The following RAB38 variants were observed in gnomAD, a reference collection of about 807,000 sequenced individuals.
The protein encoded by RAB38 is ras-related protein Rab-38.
RAB38 carries 15 observed loss-of-function variants against 18.4 expected under a neutral mutation model. The ratio of observed to expected loss-of-function variants is 0.82; its 90% confidence interval spans 0.55 to 1.26. RAB38 has a LOEUF of 1.26. RAB38 is among the 50% of genes most tolerant of loss of function. The probability of loss-of-function intolerance (pLI) is 0.00; values close to 1 mark genes in which losing one functional copy is unlikely to be tolerated. For synonymous variants in RAB38, 101 were observed against 104.4 expected (o/e 0.97, Z 0.20); for missense variants, 294 against 267.4 (o/e 1.10, Z -0.69).
chr11:87,856,774 T>C, the RAB38 span, among the ~76,000 whole-genome samples: 1 of 152,154 alleles, frequency 6.6e-6, no homozygotes, highest in African/African-American at 2.4e-5. Flanking sequence ...TGTGAACCAG[T>C]ACTTGTAAAT....
intron 2 of RAB38, among the ~76,000 whole-genome samples, chr11:88,148,163 C>A (rs1254282260): frequency 6.6e-6 from 1 of 152,118 alleles, no homozygotes; most frequent in East Asian, 1.9e-4. Flanking sequence ...ACTGGGGTCT[C>A]AAAAGGAAGA....
the RAB38 span, among the ~76,000 whole-genome samples, chr11:87,940,596 C>T: frequency 2.0e-5 from 3 of 151,500 alleles, no homozygotes; most frequent in Admixed American, 6.6e-5. Context: ...GTACATATAT[C>T]TATATCTATA....
chr11:88,153,368 G>A lies in RAB38; in HGVS notation c.203-3413C>T, dbSNP rs7118063. 5.0e-3 allele frequency among the ~76,000 whole-genome samples: 761 copies of A among 152,288 alleles called. 9 individuals carry two copies. The highest frequency in any genetic ancestry group is 0.018 in the African/African-American group (735 of 41,558). On this transcript the variant is annotated intron_variant, in intron 1 of 2. Coordinates refer to ENST00000243662, the MANE Select transcript of RAB38 (RefSeq NM_022337.3). ...ACATCACAGCTAAAATGTATATCTAGCAGTATTTTTACTTCCAGTCATCTT... is the reference window on the plus strand; with the variant it reads ...ACATCACAGCTAAAATGTATATCTAACAGTATTTTTACTTCCAGTCATCTT...
At chr11:88,077,469 A>G in the RAB38 span, among the ~76,000 whole-genome samples, 1 of 152,178 alleles carries the variant, frequency 6.6e-6, no homozygotes, top group African/African-American at 2.4e-5. Flanking sequence ...AGATAAATAG[A>G]ACAGAATGCA....
At chr11:88,064,371 A>G in the RAB38 span, among the ~76,000 whole-genome samples, 1 of 152,210 alleles carries the variant, frequency 6.6e-6, no homozygotes, top group African/African-American at 2.4e-5. Flanking sequence ...GGTTAATGGC[A>G]TGTGGATGGA....
At chr11:87,806,947 C>G in the RAB38 span, among the ~76,000 whole-genome samples, 154 of 152,270 alleles carry the variant, frequency 1.0e-3, no homozygotes, top group African/African-American at 3.6e-3. Flanking sequence ...TGGTACAAGA[C>G]TATAGCCTGT....
At chr11:88,037,290 C>G in the RAB38 span, among the ~76,000 whole-genome samples, 1 of 151,958 alleles carries the variant, frequency 6.6e-6, no homozygotes. Context: ...GTTATTTCCC[C>G]TCTGCAGCAT....
the RAB38 span, among the ~76,000 whole-genome samples, chr11:87,921,092 A>G: frequency 6.6e-6 from 1 of 152,022 alleles, no homozygotes; most frequent in African/African-American, 2.4e-5. Flanking sequence ...CCACTCTGAC[A>G]ATAGGGAACC....
chr11:88,094,626 CT>C, the RAB38 span, among the ~76,000 whole-genome samples: 12 of 151,858 alleles, frequency 7.9e-5, no homozygotes, highest in Non-Finnish European at 1.6e-4. Flanking sequence ...TCCCTTACCC[CT>C]CTTTCCCTCT....
the RAB38 span, among the ~76,000 whole-genome samples, chr11:87,893,279 C>T: frequency 9.8e-6 from 1 of 101,758 alleles, no homozygotes; most frequent in African/African-American, 3.7e-5. Flanking sequence ...TCCTTTTTTT[C>T]CAGATTTTGT....
chr11:87,871,565 T>A, the RAB38 span, among the ~76,000 whole-genome samples: 11 of 151,544 alleles, frequency 7.3e-5, no homozygotes, highest in Admixed American at 1.3e-4. Flanking sequence ...AGTATAATTT[T>A]ATAAAAATAT....
At chr11:88,148,448 A>G (rs1450878238) in intron 2 of RAB38, among the ~76,000 whole-genome samples, 1 of 152,168 alleles carries the variant, frequency 6.6e-6, no homozygotes, top group Non-Finnish European at 1.5e-5. Context: ...AGGTCTCATT[A>G]TGTTCCCACA....
intron 2 of RAB38, among the ~76,000 whole-genome samples, chr11:88,122,291 G>T (rs181764734): frequency 7.2e-5 from 11 of 152,106 alleles, no homozygotes; most frequent in Non-Finnish European, 1.5e-4. Context: ...TTAATATTTT[G>T]TTTTTAATTC....
intron 2 of RAB38, among the ~76,000 whole-genome samples, chr11:88,125,107 C>T (rs891392828): frequency 6.6e-6 from 1 of 152,186 alleles, no homozygotes; most frequent in East Asian, 1.9e-4. Context: ...TGTCTCACTG[C>T]AATCATCCTC....
the RAB38 span, among the ~76,000 whole-genome samples, chr11:87,933,623 C>T: frequency 1.3e-5 from 2 of 151,586 alleles, no homozygotes; most frequent in Non-Finnish European, 2.9e-5. Flanking sequence ...TCTGAGGAAA[C>T]AGCCAAGAGG....
chr11:87,835,001 G>A, the RAB38 span, among the ~76,000 whole-genome samples: 2 of 152,234 alleles, frequency 1.3e-5, no homozygotes, highest in Non-Finnish European at 2.9e-5. Flanking sequence ...TGCCCATTAT[G>A]CAGTTTGTTC....
the RAB38 span, among the ~76,000 whole-genome samples, chr11:87,862,523 G>A: frequency 2.4e-4 from 36 of 151,904 alleles, no homozygotes; most frequent in African/African-American, 8.7e-4. Flanking sequence ...TAGAGGGTGG[G>A]AGGAGGGAGA....
chr11:88,107,408 ACTT>A, the RAB38 span, among the ~76,000 whole-genome samples: 8 of 152,160 alleles, frequency 5.3e-5, no homozygotes, highest in African/African-American at 1.9e-4. Context: ...TGCTTATACT[ACTT>A]CTTCAATTTT....
At chr11:87,929,833 C>T in the RAB38 span, among the ~76,000 whole-genome samples, 7 of 150,010 alleles carry the variant, frequency 4.7e-5, no homozygotes, top group South Asian at 2.1e-4. Flanking sequence ...TTTGTCCTTG[C>T]GATAGTTTGC....
Sources: gnomAD v4.1 joint callset for allele counts (sites outside exome capture counted in the v4.1 genomes callset) on GRCh38, gnomAD v4.1.1 for gene constraint, MANE v1.5 for transcripts, NCBI Gene and HGNC (gene_info 2026-07-23, HGNC 2026-07-21) for gene names.